CMYA5: variants seen among roughly 807,000 people sequenced by gnomAD.
The protein encoded by CMYA5 is cardiomyopathy-associated protein 5.
CMYA5 carries 246 observed loss-of-function variants against 318.9 expected under a neutral mutation model. The ratio of observed to expected loss-of-function variants is 0.77; its 90% CI spans 0.70 to 0.86. CMYA5 has a LOEUF of 0.86. Among genes scored for constraint, CMYA5 ranks in the 40% least tolerant of loss-of-function variants. CMYA5 has a pLI of 0.00. For synonymous variants in CMYA5, 1,641 were observed against 1,729.5 expected (o/e 0.95, Z 1.27); for missense variants, 4,589 against 4,678.2 (o/e 0.98, Z 0.56).
rs748874785 is a variant in CMYA5, at chr5:79,743,935, A to G, written c.10734+13A>G. ...TAATACCATTGAGGTAAGTTAACACACCCATTTTACCTTAACCTGGCTTGT... is the reference window on the plus strand; with the variant it reads ...TAATACCATTGAGGTAAGTTAACACGCCCATTTTACCTTAACCTGGCTTGT... On this transcript the variant is annotated intron_variant, in intron 3 of 12. Transcript: ENST00000446378. The G allele has an allele frequency of 7.6e-7, 1 of 1,317,654 alleles. No individual in the cohort carries two copies. Among genetic ancestry groups the G allele is most frequent in the South Asian group, 1.3e-5 (1 of 74,260 alleles). The allele number at this position is 1,317,654 out of a possible 1,614,324, so 81.6% of individuals were successfully genotyped here.
chr5:79,769,752 T>C (rs1297830288), intron 9 of CMYA5, among the ~76,000 whole-genome samples: 1 of 152,140 alleles, frequency 6.6e-6, no homozygotes, highest in East Asian at 1.9e-4. Context: ...TGCTGGGAAG[T>C]GTCTCCCAAG....
intron 9 of CMYA5, among the ~76,000 whole-genome samples, chr5:79,787,211 C>A (rs562741697): frequency 6.6e-6 from 1 of 152,168 alleles, no homozygotes; most frequent in East Asian, 1.9e-4. Flanking sequence ...GTCACTTTTC[C>A]CCTTCCCACC....
At chr5:79,758,705 A>T in intron 6 of CMYA5, 48 bp from the exon 7 acceptor site, 1 of 1,495,280 alleles carries the variant, frequency 6.7e-7, no homozygotes, top group Non-Finnish European at 8.9e-7. Flanking sequence ...GTGCCCAAAA[A>T]ATTAATAAAA....
At chr5:79,760,683 TC>T (rs1291666817) in intron 7 of CMYA5, among the ~76,000 whole-genome samples, 1 of 152,070 alleles carries the variant, frequency 6.6e-6, no homozygotes, top group Non-Finnish European at 1.5e-5. Flanking sequence ...TTCAATCACC[TC>T]CCACCAGGCT....
chr5:79,729,825 G>C lies in CMYA5; in HGVS notation c.1060G>C (p.Gly354Arg), dbSNP rs1404241367. The C allele has an allele frequency of 1.2e-6, 2 of 1,613,394 alleles. No homozygotes were observed. Among genetic ancestry groups the C allele is most frequent in the Admixed American group, 1.7e-5 (1 of 59,914 alleles). ...TTCAAGTAGTGGCAGAGCAGAACAA[G>C]GAATACAGCTCAGGCATTCACAGTC... ...SYSSSGRAEQ[G>R]IQLRHSQSVP... is the part of the protein sequence containing the mutation. The change falls in exon 2 of 13, where the codon GGA (glycine) becomes CGA (arginine). Residue 354 changes from glycine (G) to arginine (R), a missense_variant. By Grantham distance (125) the Gly-to-Arg change is moderately radical. Coordinates refer to ENST00000446378, the MANE Select transcript of CMYA5 (RefSeq NM_153610.5).
At chr5:79,756,925 C>G (rs1039826276) in intron 6 of CMYA5, among the ~76,000 whole-genome samples, 11 of 152,064 alleles carry the variant, frequency 7.2e-5, no homozygotes, top group Admixed American at 1.3e-4. Context: ...GGTGCAGTGG[C>G]TCATGCCTGT....
chr5:79,761,670 C>A (rs1357670287), intron 7 of CMYA5, 141 bp from the exon 8 acceptor site: 3 of 775,922 alleles, frequency 3.9e-6, no homozygotes, highest in Non-Finnish European at 5.9e-6. Context: ...TTCTAAGGAG[C>A]TGGTTTTCAC....
Position 79,799,702 on chromosome 5 carries a change from A to C in CMYA5, c.*86A>C, listed in dbSNP as rs946756792. On this transcript the variant is annotated 3_prime_UTR_variant, in exon 13 of 13. Coordinates refer to ENST00000446378, the MANE Select transcript of CMYA5 (RefSeq NM_153610.5). ...TTCCTTTAGGTGCTATACATTATTC[A>C]AAAAGTCTCCCGCGCATTTGCACTA... 4.8e-6 allele frequency: 7 copies of C among 1,472,654 alleles called. No homozygotes were observed. Among genetic ancestry groups the C allele is most frequent in the African/African-American group, 1.4e-5 (1 of 70,642 alleles). The allele number at this position is 1,472,654 out of a possible 1,614,324, so 91.2% of individuals were successfully genotyped here.
At chr5:79,700,622 T>A (rs1189815874) in intron 1 of CMYA5, among the ~76,000 whole-genome samples, 2 of 152,222 alleles carry the variant, frequency 1.3e-5, no homozygotes, top group Non-Finnish European at 2.9e-5. Flanking sequence ...TCATTATCCA[T>A]CAGATAAATG....
In CMYA5 at chr5:79,732,741, C is replaced by G; in HGVS notation, c.3976C>G (p.Gln1326Glu). The change falls in exon 2 of 13, where the codon CAA (glutamine) becomes GAA (glutamate). Residue 1326 changes from glutamine to glutamate, a missense_variant. By Grantham distance (29) the Gln-to-Glu change is conservative (BLOSUM62 2). Coordinates refer to ENST00000446378, the MANE Select transcript of CMYA5 (RefSeq NM_153610.5). Reference sequence around the variant, plus strand: ...TTCAGCTTCCTCAGGAGTGGAAAAGCAAGTTGAACATGGTCCACCTGCACT... The same window carrying G: ...TTCAGCTTCCTCAGGAGTGGAAAAGGAAGTTGAACATGGTCCACCTGCACT... ...LHSASSGVEKQVEHGPPALAF... is the reference protein window; with the variant it reads ...LHSASSGVEKEVEHGPPALAF... 6.2e-7 allele frequency: 1 copy of G among 1,613,672 alleles called. No individual in the cohort carries two copies. Among genetic ancestry groups the G allele is most frequent in the Non-Finnish European group, 8.5e-7 (1 of 1,179,774 alleles).
At chr5:79,790,218 G>T (rs1004205343) in intron 10 of CMYA5, among the ~76,000 whole-genome samples, 3 of 152,104 alleles carry the variant, frequency 2.0e-5, no homozygotes, top group Non-Finnish European at 2.9e-5. Context: ...TCCCAATATG[G>T]TGCCTGTCCT....
At chr5:79,768,691 G>A (rs1382097945) in intron 9 of CMYA5, among the ~76,000 whole-genome samples, 1 of 152,112 alleles carries the variant, frequency 6.6e-6, no homozygotes, top group Non-Finnish European at 1.5e-5. Context: ...TTCCCTTTGT[G>A]GGCAACCCGA....
At chr5:79,712,260 G>A (rs1827406313) in intron 1 of CMYA5, among the ~76,000 whole-genome samples, 2 of 152,266 alleles carry the variant, frequency 1.3e-5, no homozygotes, top group South Asian at 2.1e-4. Flanking sequence ...TGTTGCCCAG[G>A]CTAGAGTGTG....
At chr5:79,741,202 C>A (rs541518051) in intron 2 of CMYA5, among the ~76,000 whole-genome samples, 1 of 152,206 alleles carries the variant, frequency 6.6e-6, no homozygotes, top group Admixed American at 6.5e-5. Flanking sequence ...TACAGGATAT[C>A]TTTTAGTCTT....
chr5:79,728,713 T>A (rs781151132), intron 1 of CMYA5, among the ~76,000 whole-genome samples: 14 of 152,142 alleles, frequency 9.2e-5, no homozygotes, highest in Non-Finnish European at 1.9e-4. Context: ...CAGCCTGGGA[T>A]GTGTCATTGT....
In CMYA5 at chr5:79,733,547, G is replaced by T. The variant is rs372413104; in HGVS notation, c.4782G>T (p.Pro1594=). ...TCCTCAGTGATGATAAGAACAAACC[G>T]GCAGTGGAGGTATCTTCTACAGCTC... is the stretch of plus-strand genomic sequence containing the variant. ...LLLLSDDKNK[P]AVEVSSTAQG... is the part of the protein sequence containing the mutation. Residue 1594 remains proline (P), a synonymous_variant, in exon 2 of 13, where the codon CCG becomes CCT. Transcript: ENST00000446378. The T allele has an allele frequency of 6.2e-7, 1 of 1,613,850 alleles. No individual in the cohort carries two copies. Among genetic ancestry groups the T allele is most frequent in the Admixed American group, 1.7e-5 (1 of 59,996 alleles).
At chr5:79,791,459 T>A (rs1829177937) in intron 11 of CMYA5, among the ~76,000 whole-genome samples, 1 of 152,112 alleles carries the variant, frequency 6.6e-6, no homozygotes, top group Non-Finnish European at 1.5e-5. Context: ...AGTGGCTCAC[T>A]CCTGTAATCC....
At chr5:79,748,524 T>TCTATCTAC (rs1554035618) in intron 5 of CMYA5, among the ~76,000 whole-genome samples, 14 of 39,230 alleles carry the variant, frequency 3.6e-4, no homozygotes, top group African/African-American at 2.6e-3. Context: ...TATCTACCTA[T>TCTATCTAC]CTATCTATCT....
intron 1 of CMYA5, among the ~76,000 whole-genome samples, chr5:79,725,044 T>G (rs1827718686): frequency 6.6e-6 from 1 of 152,236 alleles, no homozygotes; most frequent in South Asian, 2.1e-4. Flanking sequence ...GTATCTTGCC[T>G]ATCTTCTGTA....
Sources: gnomAD v4.1 joint callset for allele counts (sites outside exome capture counted in the v4.1 genomes callset) on GRCh38, gnomAD v4.1.1 for gene constraint, MANE v1.5 for transcripts, NCBI Gene and HGNC (gene_info 2026-07-23, HGNC 2026-07-21) for gene names.